Variants in SPPL2A observed in about 807,000 individuals in gnomAD.
SPPL2A encodes the protein signal peptide peptidase like 2A, also known as signal peptide peptidase-like 2A.
A neutral mutation model predicts 63.8 loss-of-function variants in SPPL2A; 51 were observed. The ratio of observed to expected loss-of-function variants is 0.80; its 90% CI spans 0.64 to 1.01. The LOEUF (loss-of-function observed/expected upper bound fraction) is 1.01, where lower values mean the gene tolerates loss of function less well. Ranked by LOEUF, SPPL2A falls within the 50% of genes least tolerant of loss-of-function variation. The probability of loss-of-function intolerance (pLI) is 0.00; values close to 1 mark genes in which losing one functional copy is unlikely to be tolerated. For synonymous variants in SPPL2A, 188 were observed against 205.8 expected (o/e 0.91, Z 0.74); for missense variants, 553 against 622.7 (o/e 0.89, Z 1.19).
At position 50,747,567 on chromosome 15, in the gene SPPL2A, G is replaced by A; in HGVS notation, c.512C>T (p.Thr171Ile). ...YSPSWPNFDY[T>I]MVVIFVIAVF... is the part of the protein sequence containing the mutation. The stretch of plus-strand genomic sequence containing the variant: ...CGCAATTACAAAAATAACCACCATA[G>A]TATAATCAAAGTTAGGCCACGATGG... The change falls in exon 5 of 15, where the codon ACT becomes ATT. Residue 171 changes from threonine (T) to isoleucine (I), a missense_variant. Coordinates refer to ENST00000261854, the MANE Select transcript of SPPL2A (RefSeq NM_032802.4). The A allele has an allele frequency of 6.2e-7, 1 of 1,610,416 alleles. No homozygotes were observed. The highest frequency in any genetic ancestry group is 8.5e-7 in the Non-Finnish European group (1 of 1,176,866).
At chr15:50,717,966 T>C (rs1596377329) in intron 14 of SPPL2A, among the ~76,000 whole-genome samples, 1 of 119,256 alleles carries the variant, frequency 8.4e-6, no homozygotes, top group African/African-American at 3.0e-5. Context: ...ACTGTAACTT[T>C]CGTTTTTTTT....
At position 50,748,739 on chromosome 15, in the gene SPPL2A, A is replaced by G. The variant is rs768517087; in HGVS notation, c.309T>C (p.Ile103=). The part of the protein sequence containing the change: ...GSCHFLEKAR[I]AQKGGAEAML... ...TTGCTTCAGCACCTCCTTTCTGTGC[A>G]ATTCTGGCTTTTTCAAGAAAATGGC... Residue 103 remains isoleucine (I), a synonymous_variant, in exon 3 of 15, where the codon ATT becomes ATC. Transcript: ENST00000261854. 4.3e-6 allele frequency: 7 copies of G among 1,611,756 alleles called. No individual in the cohort carries two copies. The East Asian group carries it at 1.3e-4, about 31-fold the overall frequency.
rs12910371 is a variant in SPPL2A, at chr15:50,725,380, G to A, written c.1147-57C>T. The stretch of plus-strand genomic sequence containing the variant: ...CAAAACAAAAAACAAAACAGAGGCC[G>A]CCAATGAACTTCTTGGCAATCTTTA... On this transcript the variant is annotated intron_variant, in intron 11 of 14. Transcript: ENST00000261854. The A allele has an allele frequency of 0.34, 304,179 of 891,374 alleles. 54,519 individuals carry two copies. Among genetic ancestry groups the A allele is most frequent in the East Asian group, 0.56 (22,776 of 40,962 alleles). 55.2% of individuals were successfully genotyped at this position (891,374 alleles called of 1,614,324 possible).
intron 1 of SPPL2A, among the ~76,000 whole-genome samples, chr15:50,751,925 G>C (rs888487770): frequency 3.3e-5 from 5 of 152,042 alleles, no homozygotes; most frequent in Admixed American, 2.0e-4. Flanking sequence ...TCCGCCTCCG[G>C]GGTCAAGCAA....
chr15:50,738,094 G>C lies in SPPL2A; in HGVS notation c.734-1354C>G, dbSNP rs1014295636. Among the ~76,000 whole-genome samples, 4 of 152,312 alleles carry C rather than the reference G, an allele frequency of 2.6e-5. No individual in the cohort carries two copies. In the East Asian group the frequency reaches 7.7e-4, roughly 29 times the overall value. On this transcript the variant is annotated intron_variant, in intron 6 of 14. Coordinates refer to ENST00000261854, the MANE Select transcript of SPPL2A (RefSeq NM_032802.4). The stretch of plus-strand genomic sequence containing the variant: ...AGCTACTTGGGAGGCTGAGGCAGGA[G>C]AATCGCTTGAATGCGAGAGGCAGAG...
At chr15:50,736,982 G>A (rs538072324) in intron 6 of SPPL2A, among the ~76,000 whole-genome samples, 1 of 151,946 alleles carries the variant, frequency 6.6e-6, no homozygotes, top group African/African-American at 2.4e-5. Context: ...TGTAATCTCG[G>A]CTCTCACTGC....
At chr15:50,737,060 T>A (rs1470512064) in intron 6 of SPPL2A, among the ~76,000 whole-genome samples, 1 of 152,088 alleles carries the variant, frequency 6.6e-6, no homozygotes, top group African/African-American at 2.4e-5. Context: ...ATTACAGGCA[T>A]GCGCCACCAT....
At chr15:50,758,003 A>AG (rs1377333877) in intron 1 of SPPL2A, among the ~76,000 whole-genome samples, 2 of 149,726 alleles carry the variant, frequency 1.3e-5, no homozygotes, top group East Asian at 4.0e-4. Context: ...AAAAAAAAAA[A>AG]AAAGGCCGGG....
chr15:50,738,549 CAA>C (rs373037772), intron 6 of SPPL2A, among the ~76,000 whole-genome samples: 12 of 97,574 alleles, frequency 1.2e-4, no homozygotes, highest in Admixed American at 1.1e-4. Flanking sequence ...ACTCTGTTTC[CAA>C]AAAAAAAAAA....
chr15:50,749,916 T>C, intron 1 of SPPL2A, 170 bp from the exon 2 acceptor site: 1 of 604,650 alleles, frequency 1.7e-6, no homozygotes. Flanking sequence ...GTTAGGAATA[T>C]TAAAACTATA....
intron 10 of SPPL2A, among the ~76,000 whole-genome samples, chr15:50,726,620 C>A (rs769628141): frequency 1.3e-5 from 2 of 152,172 alleles, no homozygotes; most frequent in African/African-American, 2.4e-5. Context: ...GCAAATGAAT[C>A]ATGTAAAAAT....
Position 50,703,356 on chromosome 15 carries a change from A to ATATATATATTT in SPPL2A, c.*4443_*4444insAAATATATATA, listed in dbSNP as rs1196710672. The ATATATATATTT allele has an allele frequency of 3.2e-5, 2 of 62,042 alleles. No individual in the cohort carries two copies. Among genetic ancestry groups the ATATATATATTT allele is most frequent in the East Asian group, 5.2e-4 (1 of 1,916 alleles). The allele number at this position is 62,042 out of a possible 1,614,324, so 3.8% of individuals were successfully genotyped here. ...TATATATATATATATACATATATAT[A>ATATATATATTT]TTTTTTTTTTTTTTTTTTTTTTTTG... On this transcript the variant is annotated 3_prime_UTR_variant, in exon 15 of 15. Transcript: ENST00000261854.
At chr15:50,732,259 G>A (rs910320756) in intron 9 of SPPL2A, among the ~76,000 whole-genome samples, 17 of 151,908 alleles carry the variant, frequency 1.1e-4, no homozygotes, top group Admixed American at 9.8e-4. Context: ...TATACTATAA[G>A]CCTCATCACT....
At chr15:50,752,091 A>G (rs2062912265) in intron 1 of SPPL2A, among the ~76,000 whole-genome samples, 1 of 151,976 alleles carries the variant, frequency 6.6e-6, no homozygotes, top group Admixed American at 6.6e-5. Context: ...TCAGCCTCCC[A>G]AAGTACTGGG....
At position 50,765,519 on chromosome 15, in the gene SPPL2A, C is replaced by T. The variant is rs1335831178; in HGVS notation, c.15G>A (p.Arg5=). The change falls in exon 1 of 15, where the codon CGG becomes CGA. Residue 5 remains arginine, a synonymous_variant. Transcript: ENST00000261854. MGPQ[R]RLSPAGAALL... is the part of the protein sequence containing the mutation. Reference sequence around the variant, plus strand: ...GGGCGGCCCCGGCAGGGGACAGCCGCCGCTGCGGCCCCATCGGACTGGTGG... The same window carrying T: ...GGGCGGCCCCGGCAGGGGACAGCCGTCGCTGCGGCCCCATCGGACTGGTGG... The T allele has an allele frequency of 6.7e-7, 1 of 1,499,152 alleles. No individual in the cohort carries two copies. Among genetic ancestry groups the T allele is most frequent in the Non-Finnish European group, 8.8e-7 (1 of 1,131,878 alleles). 92.9% of individuals were successfully genotyped at this position (1,499,152 alleles called of 1,614,324 possible).
In SPPL2A at chr15:50,707,260, A is replaced by C. The variant is rs1372420218; in HGVS notation, c.*540T>G. 1.3e-5 allele frequency: 2 copies of C among 152,386 alleles called. No homozygotes were observed. The highest frequency in any genetic ancestry group is 4.8e-5 in the African/African-American group (2 of 41,418). 9.4% of individuals were successfully genotyped at this position (152,386 alleles called of 1,614,324 possible). On this transcript the variant is annotated 3_prime_UTR_variant, in exon 15 of 15. Coordinates refer to ENST00000261854, the MANE Select transcript of SPPL2A (RefSeq NM_032802.4). ...CAGCCTTCCCAGTAGCTGGGACTACAGGCACCCTCCACCACGCCCAGCTAA... is the reference window on the plus strand; with the variant it reads ...CAGCCTTCCCAGTAGCTGGGACTACCGGCACCCTCCACCACGCCCAGCTAA...
Position 50,704,984 on chromosome 15 carries a change from T to A in SPPL2A, c.*2816A>T, listed in dbSNP as rs114076583. 6.6e-6 allele frequency: 1 copy of A among 152,198 alleles called. No individual in the cohort carries two copies. The highest frequency in any genetic ancestry group is 2.4e-5 in the African/African-American group (1 of 41,454). 9.4% of individuals were successfully genotyped at this position (152,198 alleles called of 1,614,324 possible). A position where few individuals can be genotyped will look rare whatever the true frequency, so the allele number is the denominator to read the frequency against. On this transcript the variant is annotated 3_prime_UTR_variant, in exon 15 of 15. Coordinates refer to ENST00000261854, the MANE Select transcript of SPPL2A (RefSeq NM_032802.4). ...GTTACTATGCTACTGAGGAGATACATCTAGTTGATGAAGTTAAAATATTAA... is the reference window on the plus strand; with the variant it reads ...GTTACTATGCTACTGAGGAGATACAACTAGTTGATGAAGTTAAAATATTAA...
chr15:50,751,504 C>T (rs2062905939), intron 1 of SPPL2A, among the ~76,000 whole-genome samples: 1 of 152,224 alleles, frequency 6.6e-6, no homozygotes, highest in Non-Finnish European at 1.5e-5. Flanking sequence ...GAATTGGGTA[C>T]TTCTTACTGC....
chr15:50,732,585 T>C lies in SPPL2A; in HGVS notation c.1014+18A>G, dbSNP rs200789485. ...TAAAAATTTATTTTAACTAGCAAAG[T>C]AGTATTGTATACATTACCTTGAAGT... On this transcript the variant is annotated intron_variant, in intron 9 of 14. Transcript: ENST00000261854. The C allele has an allele frequency of 4.2e-6, 6 of 1,426,968 alleles. No homozygotes were observed. Among genetic ancestry groups the C allele is most frequent in the East Asian group, 2.3e-5 (1 of 43,520 alleles). 88.4% of individuals were successfully genotyped at this position (1,426,968 alleles called of 1,614,324 possible).
Sources: allele counts gnomAD v4.1 joint callset (sites outside exome capture counted in the v4.1 genomes callset), GRCh38; gene constraint gnomAD v4.1.1; transcripts MANE v1.5; gene names NCBI Gene and HGNC (gene_info 2026-07-23, HGNC 2026-07-21).